The following RADIL variants were observed in gnomAD, a reference collection of about 807,000 sequenced individuals.
RADIL encodes Rap associating with DIL domain.
Under a neutral mutation model 97.6 loss-of-function variants are expected in RADIL, and 99 were observed. The ratio of observed to expected loss-of-function variants is 1.01; its 90% confidence interval spans 0.86 to 1.20. RADIL has a LOEUF of 1.20. Among genes scored for constraint, RADIL ranks in the 50% most tolerant of loss-of-function variants. RADIL has a pLI of 0.00. For synonymous variants in RADIL, 803 were observed against 691.8 expected (o/e 1.16, Z -2.52); for missense variants, 1,765 against 1,498.9 (o/e 1.18, Z -2.93).
chr7:4,805,468 C>T (rs1782275667), intron 10 of RADIL, 98 bp downstream of exon 10: 8 of 1,400,136 alleles, frequency 5.7e-6, no homozygotes, highest in African/African-American at 4.3e-5. Context: ...AGGTCCCCCA[C>T]ACCCCACTTC....
rs1250269588 is a variant in RADIL, at chr7:4,836,669, G to A, written c.536-64C>T. 56 of 1,589,492 alleles carry A rather than the reference G, an allele frequency of 3.5e-5. No homozygotes were observed. The Middle Eastern group carries it at 8.3e-4, about 24-fold the overall frequency. On this transcript the variant is annotated intron_variant, in intron 2 of 14. Coordinates refer to ENST00000399583, the MANE Select transcript of RADIL (RefSeq NM_018059.5). ...TCATAGCACCAGGACTGGGCGCGGT[G>A]GCTCACCCCTGTAATCCCAGCACTT... is the stretch of plus-strand genomic sequence containing the variant.
chr7:4,821,765 A>C lies in RADIL; in HGVS notation c.1615+629T>G, dbSNP rs1782839786. Among the ~76,000 whole-genome samples, 1 of 152,130 alleles carries C rather than the reference A, an allele frequency of 6.6e-6. No individual in the cohort carries two copies. Among genetic ancestry groups the C allele is most frequent in the Admixed American group, 6.5e-5 (1 of 15,272 alleles). On this transcript the variant is annotated intron_variant, in intron 6 of 14. Transcript: ENST00000399583. The surrounding 1 kb of genome is among the most constrained non-coding windows in gnomAD (Gnocchi z 5.2). ...CAGGTACTCGGGAGGCTGAGGCACG[A>C]GAATCGCTTGAACCTGGGAGACGGA...
At chr7:4,877,271 C>T (rs1327923971) in intron 2 of RADIL, among the ~76,000 whole-genome samples, 1 of 152,178 alleles carries the variant, frequency 6.6e-6, no homozygotes, top group African/African-American at 2.4e-5. Flanking sequence ...AGCGAGACTC[C>T]TGTCTCTACA....
In RADIL at chr7:4,840,960, C is replaced by T. The variant is rs2115009359; in HGVS notation, c.536-4355G>A. Among the ~76,000 whole-genome samples the T allele has an allele frequency of 6.6e-6, 1 of 152,306 alleles. No homozygotes were observed. Among genetic ancestry groups the T allele is most frequent in the East Asian group, 1.9e-4 (1 of 5,176 alleles). On this transcript the variant is annotated intron_variant, in intron 2 of 14. Coordinates refer to ENST00000399583, the MANE Select transcript of RADIL (RefSeq NM_018059.5). This position sits in a 1 kb window ranked among gnomAD's most constrained non-coding sequence, Gnocchi z 5.6. The stretch of plus-strand genomic sequence containing the variant: ...CCAGCCTGGGTGACAGAGCGAGACT[C>T]CGTCTCAAAACAAAACAAAACAACA...
rs753734717 is a variant in RADIL, at chr7:4,835,058, C to T, written c.965G>A (p.Gly322Glu). The T allele has an allele frequency of 6.2e-7, 1 of 1,608,250 alleles. No individual in the cohort carries two copies. Among genetic ancestry groups the T allele is most frequent in the Non-Finnish European group, 8.5e-7 (1 of 1,177,944 alleles). The stretch of plus-strand genomic sequence containing the variant: ...GGAGAAGTTGACGGAGATGTGCGCC[C>T]CGGGGATGGGCTCCAGGACCAGCCT... The part of the protein sequence containing the change: ...AGRLVLEPIP[G>E]AHISVNFSEV... Residue 322 changes from glycine to glutamate, a missense_variant, in exon 4 of 15, where the codon GGG becomes GAG. Coordinates refer to ENST00000399583, the MANE Select transcript of RADIL (RefSeq NM_018059.5). This position sits in a 1 kb window ranked among gnomAD's most constrained non-coding sequence, Gnocchi z 5.8.
At chr7:4,827,617 T>G (rs544063320) in intron 5 of RADIL, among the ~76,000 whole-genome samples, 1 of 152,102 alleles carries the variant, frequency 6.6e-6, no homozygotes, top group African/African-American at 2.4e-5. Flanking sequence ...GCCGAGATCG[T>G]GCCACTGTAC....
chr7:4,875,261 GT>G (rs1283884043), intron 2 of RADIL, among the ~76,000 whole-genome samples: 12,704 of 141,870 alleles, frequency 0.09, 1,775 homozygotes, highest in African/African-American at 0.25. Context: ...CGTGGTGGTG[GT>G]GCATGCCGTA....
At chr7:4,810,733 G>A (rs967436387) in intron 9 of RADIL, among the ~76,000 whole-genome samples, 1 of 152,346 alleles carries the variant, frequency 6.6e-6, no homozygotes, top group Non-Finnish European at 1.5e-5. Flanking sequence ...AAAGTGGCGA[G>A]CCTCATTTAC....
intron 11 of RADIL, among the ~76,000 whole-genome samples, chr7:4,803,175 C>A (rs1391962629): frequency 2.8e-5 from 2 of 71,530 alleles, no homozygotes; most frequent in East Asian, 7.7e-4. Context: ...CACCTCGGGG[C>A]ACGCTGGCTG....
chr7:4,848,901 G>A (rs542562895), intron 2 of RADIL, among the ~76,000 whole-genome samples: 7 of 152,316 alleles, frequency 4.6e-5, no homozygotes, highest in East Asian at 3.9e-4. Context: ...CACTTTGGGA[G>A]GCCGAGGCGG....
At chr7:4,859,096 C>T (rs561513869) in intron 2 of RADIL, 1 of 152,288 alleles carries the variant, frequency 6.6e-6, no homozygotes, top group South Asian at 2.1e-4. Flanking sequence ...TTAAAGTTGA[C>T]ATTTCATTTT....
Position 4,830,740 on chromosome 7 carries a change from C to T in RADIL, c.1454+1401G>A, listed in dbSNP as rs193260094. Among the ~76,000 whole-genome samples, 53 of 152,158 alleles carry T rather than the reference C, an allele frequency of 3.5e-4. 1 individual carries two copies. The East Asian group carries it at 7.8e-3, about 22-fold the overall frequency. ...TAAAAATACAAAATTAGCGGCTGGG[C>T]GCGGTGGTTCACACCTGTAATCCCA... On this transcript the variant is annotated intron_variant, in intron 5 of 14. Coordinates refer to ENST00000399583, the MANE Select transcript of RADIL (RefSeq NM_018059.5).
rs762269433 is a variant in RADIL, at chr7:4,878,039, T to G, written c.101A>C (p.Tyr34Ser). The G allele has an allele frequency of 6.2e-7, 1 of 1,607,448 alleles. No individual in the cohort carries two copies. The highest frequency in any genetic ancestry group is 1.7e-5 in the Admixed American group (1 of 58,888). ...GGTGGAGTCCAGGTCCCGGTACTTG[T>G]AGCTCAGCGTCCGGGACAGCATGCT... ...LSSMLSRTLS[Y>S]KYRDLDSTFS... The change falls in exon 2 of 15, where the codon TAC becomes TCC. Residue 34 changes from tyrosine to serine, a missense_variant. Transcript: ENST00000399583. The surrounding 1 kb of genome is among the most constrained non-coding windows in gnomAD (Gnocchi z 4.1).
chr7:4,865,114 C>T (rs942621916), intron 2 of RADIL, among the ~76,000 whole-genome samples: 10 of 152,212 alleles, frequency 6.6e-5, no homozygotes, highest in Non-Finnish European at 1.2e-4. Context: ...CCTGCCCCAC[C>T]GACTGCCCAC....
chr7:4,877,965 G>C lies in RADIL; in HGVS notation c.175C>G (p.Leu59Val). 6.2e-7 allele frequency: 1 copy of C among 1,611,484 alleles called. No individual in the cohort carries two copies. The highest frequency in any genetic ancestry group is 1.1e-5 in the South Asian group (1 of 91,072). The change falls in exon 2 of 15, where the codon CTG becomes GTG. Residue 59 changes from leucine (L) to valine (V), a missense_variant. Leu to Val is a conservative substitution (Grantham distance 32, BLOSUM62 1). Transcript: ENST00000399583. ...ACCTTCAGGACACCAGGGGCCGACA[G>C]CTGGGTGGAGAGCTCGGCGGGGTCA... ...SDDPAELSTQ[L>V]SAPGVLKVFG...
chr7:4,863,012 T>C (rs376275871), intron 2 of RADIL, among the ~76,000 whole-genome samples: 5 of 152,190 alleles, frequency 3.3e-5, no homozygotes, highest in East Asian at 3.9e-4. Context: ...CAGAAGCTTC[T>C]TGGGCACTTC....
chr7:4,878,230 C>A lies in RADIL; in HGVS notation c.-64-27G>T. The A allele has an allele frequency of 7.5e-7, 1 of 1,328,176 alleles. No individual in the cohort carries two copies. Among genetic ancestry groups the A allele is most frequent in the Non-Finnish European group, 1.0e-6 (1 of 998,396 alleles). 82.3% of individuals were successfully genotyped at this position (1,328,176 alleles called of 1,614,324 possible). On this transcript the variant is annotated intron_variant, in intron 1 of 14. Coordinates refer to ENST00000399583, the MANE Select transcript of RADIL (RefSeq NM_018059.5). The surrounding 1 kb of genome is among the most constrained non-coding windows in gnomAD (Gnocchi z 4.1). The stretch of plus-strand genomic sequence containing the variant: ...TGGGTGAAAAAGTGAGAGAGGTTAG[C>A]GCCAACCATCGTGACCACCAAGAGC...
intron 4 of RADIL, 165 bp from the exon 5 acceptor site, chr7:4,832,343 G>A (rs1057297056): frequency 3.0e-6 from 2 of 677,796 alleles, no homozygotes; most frequent in African/African-American, 3.6e-5. Flanking sequence ...CATTTTCCAT[G>A]TGACTTCAAC....
In RADIL at chr7:4,821,523, T is replaced by C. The variant is rs1321219994; in HGVS notation, c.1615+871A>G. On this transcript the variant is annotated intron_variant, in intron 6 of 14. Coordinates refer to ENST00000399583, the MANE Select transcript of RADIL (RefSeq NM_018059.5). This position sits in a 1 kb window ranked among gnomAD's most constrained non-coding sequence, Gnocchi z 5.2. ...AGCCCCCTAGACTGCCCCGATGGAATCCCTCTCCCTTAGTATTTTCAGAAC... is the reference window on the plus strand; with the variant it reads ...AGCCCCCTAGACTGCCCCGATGGAACCCCTCTCCCTTAGTATTTTCAGAAC... Among the ~76,000 whole-genome samples, 2 of 152,144 alleles carry C rather than the reference T, an allele frequency of 1.3e-5. No individual in the cohort carries two copies.
Sources: gnomAD v4.1 joint callset for allele counts (sites outside exome capture counted in the v4.1 genomes callset) on GRCh38, gnomAD v4.1.1 for gene constraint, Gnocchi (gnomAD v3.1) non-coding constraint, MANE v1.5 for transcripts, NCBI Gene and HGNC (gene_info 2026-07-23, HGNC 2026-07-21) for gene names.